Variants in TNFRSF10B observed in about 807,000 individuals in gnomAD.
The protein encoded by TNFRSF10B is tumor necrosis factor receptor superfamily member 10B.
TNFRSF10B carries 35 observed loss-of-function variants against 41.4 expected under a neutral mutation model. The observed-to-expected ratio is 0.85, with a 90% CI of 0.65 to 1.12. TNFRSF10B has a LOEUF of 1.12. Among genes scored for constraint, TNFRSF10B ranks in the 50% most tolerant of loss-of-function variants. The pLI, the probability that TNFRSF10B is intolerant of heterozygous loss-of-function variation, is 0.00. For missense variants in TNFRSF10B, 584 were observed against 552.7 expected, an observed-to-expected ratio of 1.06 and a Z score of -0.57; for synonymous variants, 230 against 215.5, an observed-to-expected ratio of 1.07 and a Z score of -0.59.
chr8:23,040,740 A>G (rs1312188541), intron 2 of TNFRSF10B, among the ~76,000 whole-genome samples: 1 of 152,038 alleles, frequency 6.6e-6, no homozygotes, highest in Non-Finnish European at 1.5e-5. Flanking sequence ...AACGCAAAAA[A>G]TAGACCATAA....
intron 1 of TNFRSF10B, among the ~76,000 whole-genome samples, chr8:23,062,954 T>C (rs1812873608): frequency 6.6e-6 from 1 of 152,248 alleles, no homozygotes; most frequent in Non-Finnish European, 1.5e-5. Context: ...AAGTGTTATA[T>C]TACTTGATAG....
intron 1 of TNFRSF10B, among the ~76,000 whole-genome samples, chr8:23,056,426 C>T (rs981602525): frequency 1.3e-5 from 2 of 151,992 alleles, no homozygotes; most frequent in African/African-American, 2.4e-5. Context: ...CCGAGGCGGG[C>T]GATCATTTGA....
intron 1 of TNFRSF10B, among the ~76,000 whole-genome samples, chr8:23,046,906 A>G (rs1326966547): frequency 1.3e-5 from 2 of 152,320 alleles, no homozygotes; most frequent in African/African-American, 4.8e-5. Flanking sequence ...ATCCATATGC[A>G]CAAGAATGAA....
intron 3 of TNFRSF10B, among the ~76,000 whole-genome samples, 162 bp downstream of exon 3, chr8:23,030,597 C>A (rs1034724051): frequency 6.6e-6 from 1 of 152,016 alleles, no homozygotes; most frequent in African/African-American, 2.4e-5. Context: ...CTGTGCCGGG[C>A]CTGTTTTATT....
intron 1 of TNFRSF10B, among the ~76,000 whole-genome samples, chr8:23,054,892 G>T (rs951206874): frequency 1.3e-5 from 2 of 152,068 alleles, no homozygotes; most frequent in African/African-American, 4.8e-5. Flanking sequence ...AATTATTCTT[G>T]CTGCACGGTA....
rs1189625876 is a variant in TNFRSF10B, at chr8:23,021,999, C to T, written c.*672G>A. 2.2e-6 allele frequency: 1 copy of T among 451,964 alleles called. No homozygotes were observed. The highest frequency in any genetic ancestry group is 2.0e-5 in the African/African-American group (1 of 49,934). The allele number at this position is 451,964 out of a possible 1,614,324, so 28.0% of individuals were successfully genotyped here. On this transcript the variant is annotated 3_prime_UTR_variant, in exon 9 of 9. Transcript: ENST00000276431. ...TAAGGCCAAGCATGGGGGCTCACGC[C>T]TCTAATTCCACCGCTTTGGGAGTCT...
At chr8:23,035,328 G>C (rs530235421) in intron 2 of TNFRSF10B, among the ~76,000 whole-genome samples, 1 of 152,144 alleles carries the variant, frequency 6.6e-6, no homozygotes, top group East Asian at 1.9e-4. Flanking sequence ...TTTTAGTAGA[G>C]ATGAGGTTTC....
Position 23,022,724 on chromosome 8 carries a change from TCAA to T in TNFRSF10B, c.1267_1269del (p.Leu423del), listed in dbSNP as rs749324403. 1.5e-5 allele frequency: 24 copies of T among 1,613,776 alleles called. No individual in the cohort carries two copies. Among genetic ancestry groups the T allele is most frequent in the African/African-American group, 2.7e-5 (2 of 74,812 alleles). ...TCTAGATACATGAACTTTCCAGAGC[TCAA>T]CAAGTGGTCCTCAATCTTCTGCTTG... On this transcript the variant is annotated inframe_deletion, in exon 9 of 9. Coordinates refer to ENST00000276431, the MANE Select transcript of TNFRSF10B (RefSeq NM_003842.5).
chr8:23,054,525 G>T (rs1812608546), intron 1 of TNFRSF10B, among the ~76,000 whole-genome samples: 2 of 152,218 alleles, frequency 1.3e-5, no homozygotes, highest in South Asian at 4.1e-4. Flanking sequence ...GTTTTCTTTT[G>T]TAACAGGACA....
Position 23,028,693 on chromosome 8 carries a change from C to T in TNFRSF10B, c.477-91G>A, listed in dbSNP as rs1296001025. On this transcript the variant is annotated intron_variant, in intron 4 of 8. Transcript: ENST00000276431. ...GGAGCCACCCTCCCTCCCCAGTGTC[C>T]CTGAGAAGGTGTCAGGGGAAGGACA... 4.6e-6 allele frequency: 7 copies of T among 1,505,630 alleles called. No homozygotes were observed. The Admixed American group carries it at 1.2e-4, about 25-fold the overall frequency. 93.3% of individuals were successfully genotyped at this position (1,505,630 alleles called of 1,614,324 possible).
intron 2 of TNFRSF10B, among the ~76,000 whole-genome samples, chr8:23,039,056 T>C (rs969584717): frequency 1.1e-4 from 17 of 151,426 alleles, no homozygotes; most frequent in Non-Finnish European, 2.2e-4. Context: ...TGGTCCTATC[T>C]GGGGGTGATG....
intron 1 of TNFRSF10B, among the ~76,000 whole-genome samples, chr8:23,046,508 T>C (rs1812364254): frequency 6.6e-6 from 1 of 151,798 alleles, no homozygotes; most frequent in Non-Finnish European, 1.5e-5. Flanking sequence ...TGTTAAAATG[T>C]CCATACTATC....
intron 1 of TNFRSF10B, among the ~76,000 whole-genome samples, chr8:23,065,327 G>C (rs180747062): frequency 6.6e-6 from 1 of 152,348 alleles, no homozygotes; most frequent in East Asian, 1.9e-4. Flanking sequence ...ACCCTGTAGA[G>C]CTCTGTAGTC....
At chr8:23,023,075 A>G in intron 8 of TNFRSF10B, 91 bp from the exon 9 acceptor site, 6 of 1,501,860 alleles carry the variant, frequency 4.0e-6, no homozygotes, top group Non-Finnish European at 5.4e-6. Flanking sequence ...AAGGCGGGGA[A>G]CCTGGAGAGC....
chr8:23,024,016 G>C (rs1052758709), intron 8 of TNFRSF10B, among the ~76,000 whole-genome samples, 172 bp downstream of exon 8: 7 of 152,104 alleles, frequency 4.6e-5, no homozygotes, highest in African/African-American at 1.7e-4. Context: ...GAGGTAGAGT[G>C]GGGAGAAGAG....
At chr8:23,028,896 A>AGGAGCAATCACACTCCAGG (rs1401083687) in intron 4 of TNFRSF10B, among the ~76,000 whole-genome samples, 8 of 152,190 alleles carry the variant, frequency 5.3e-5, no homozygotes, top group African/African-American at 1.4e-4. Context: ...GGCCTGCGTT[A>AGGAGCAATCACACTCCAGG]GGAGCAATCA....
intron 1 of TNFRSF10B, among the ~76,000 whole-genome samples, chr8:23,048,708 T>C (rs895812059): frequency 6.6e-6 from 1 of 152,210 alleles, no homozygotes; most frequent in Admixed American, 6.5e-5. Context: ...TATTAGCTGA[T>C]TTAATTATTC....
chr8:23,047,142 G>C (rs1812387564), intron 1 of TNFRSF10B, among the ~76,000 whole-genome samples: 1 of 152,116 alleles, frequency 6.6e-6, no homozygotes, highest in African/African-American at 2.4e-5. Flanking sequence ...TGCGGAACCT[G>C]AGGTCGGGAG....
chr8:23,041,616 A>C (rs1812204828), intron 2 of TNFRSF10B, among the ~76,000 whole-genome samples: 1 of 152,054 alleles, frequency 6.6e-6, no homozygotes. Flanking sequence ...AAAAAAAAAA[A>C]AAAAAAACCT....
Sources: gnomAD v4.1 joint callset for allele counts (sites outside exome capture counted in the v4.1 genomes callset) on GRCh38, gnomAD v4.1.1 for gene constraint, MANE v1.5 for transcripts, NCBI Gene and HGNC (gene_info 2026-07-23, HGNC 2026-07-21) for gene names.